CNTNAP5: variants seen among roughly 807,000 people sequenced by gnomAD.
The protein encoded by CNTNAP5 is contactin associated protein family member 5.
A neutral mutation model predicts 150.2 loss-of-function variants in CNTNAP5; 72 were observed. That is an observed-to-expected ratio of 0.48 (90% CI 0.40 to 0.58). The LOEUF (loss-of-function observed/expected upper bound fraction) is 0.58, where lower values mean the gene tolerates loss of function less well. Among genes scored for constraint, CNTNAP5 ranks in the 20% least tolerant of loss-of-function variants. The pLI, the probability that CNTNAP5 is intolerant of heterozygous loss-of-function variation, is 0.00. For synonymous variants in CNTNAP5, 672 were observed against 619.8 expected, an observed-to-expected ratio of 1.08 and a Z score of -1.25; for missense variants, 1,636 against 1,626.2, an observed-to-expected ratio of 1.01 and a Z score of -0.10.
At chr2:124,100,603 C>A (rs7592261) in intron 1 of CNTNAP5, among the ~76,000 whole-genome samples, 2 of 151,934 alleles carry the variant, frequency 1.3e-5, no homozygotes, top group South Asian at 4.1e-4. Flanking sequence ...CAGTGGCTCA[C>A]GCTCATAATT....
At chr2:124,194,413 AT>A (rs1685534584) in intron 1 of CNTNAP5, among the ~76,000 whole-genome samples, 5 of 2,022 alleles carry the variant, frequency 2.5e-3, no homozygotes, top group Non-Finnish European at 0.013. Flanking sequence ...ATATATATAA[AT>A]ATAAATAGGT....
At chr2:124,643,958 G>A (rs1439077404) in intron 12 of CNTNAP5, among the ~76,000 whole-genome samples, 2 of 152,136 alleles carry the variant, frequency 1.3e-5, no homozygotes, top group African/African-American at 4.8e-5. Context: ...TTTCATCAGG[G>A]TTGCTCCCAC....
intron 19 of CNTNAP5, among the ~76,000 whole-genome samples, chr2:124,817,080 C>T (rs1682380750): frequency 6.6e-6 from 1 of 152,050 alleles, no homozygotes; most frequent in African/African-American, 2.4e-5. Context: ...TTGCTGTAAG[C>T]AGCAAGAATG....
intron 16 of CNTNAP5, among the ~76,000 whole-genome samples, chr2:124,768,615 A>G (rs1409615482): frequency 6.6e-6 from 1 of 152,034 alleles, no homozygotes. Context: ...GATTACCACC[A>G]CACAGTGCAC....
chr2:124,046,562 A>T (rs896478279), intron 1 of CNTNAP5, among the ~76,000 whole-genome samples: 14 of 152,300 alleles, frequency 9.2e-5, no homozygotes, highest in African/African-American at 3.4e-4. Context: ...TTGCATCAGA[A>T]AGAAGGTGGC....
intron 14 of CNTNAP5, among the ~76,000 whole-genome samples, chr2:124,755,224 A>G (rs561993526): frequency 6.6e-6 from 1 of 152,288 alleles, no homozygotes; most frequent in South Asian, 2.1e-4. Context: ...AAAACAAAAC[A>G]TACCCTGAGG....
intron 7 of CNTNAP5, among the ~76,000 whole-genome samples, chr2:124,489,178 C>T (rs1374702362): frequency 6.6e-6 from 1 of 152,204 alleles, no homozygotes; most frequent in Admixed American, 6.5e-5. Context: ...ATTAAAACTC[C>T]TTCTATCACT....
In CNTNAP5 at chr2:124,284,453, C is replaced by T. The variant is rs149904842; in HGVS notation, c.381+42060C>T. ...AGGAAGGGAACAACACACACTGACA[C>T]CTCTCAGGAGGATGGGGGAAGGGAG... On this transcript the variant is annotated intron_variant, in intron 3 of 23. Transcript: ENST00000682447. 2.5e-3 allele frequency among the ~76,000 whole-genome samples: 373 copies of T among 152,058 alleles called. 1 individual carries two copies. The highest frequency in any genetic ancestry group is 8.6e-3 in the African/African-American group (356 of 41,482).
At chr2:124,828,859 T>G (rs1682655787) in intron 19 of CNTNAP5, among the ~76,000 whole-genome samples, 1 of 150,456 alleles carries the variant, frequency 6.6e-6, no homozygotes, top group Admixed American at 6.7e-5. Flanking sequence ...GAGTGGTCCT[T>G]CAGAGAAGCT....
intron 19 of CNTNAP5, among the ~76,000 whole-genome samples, chr2:124,823,370 A>T (rs1450142589): frequency 6.6e-6 from 1 of 152,164 alleles, no homozygotes; most frequent in Non-Finnish European, 1.5e-5. Flanking sequence ...CTAAAGCCAA[A>T]CCATTATCAA....
intron 1 of CNTNAP5, among the ~76,000 whole-genome samples, chr2:124,209,038 C>T (rs1427815152): frequency 3.9e-5 from 6 of 152,116 alleles, no homozygotes; most frequent in Non-Finnish European, 5.9e-5. Context: ...TGGATGGCCC[C>T]AATTTACCAA....
intron 1 of CNTNAP5, among the ~76,000 whole-genome samples, chr2:124,046,663 G>A (rs1045621959): frequency 1.3e-5 from 2 of 152,106 alleles, no homozygotes; most frequent in African/African-American, 2.4e-5. Context: ...AAAAGAAGAC[G>A]ATTGGGTTTT....
chr2:124,530,141 G>A (rs952377366), intron 10 of CNTNAP5, among the ~76,000 whole-genome samples: 1 of 152,042 alleles, frequency 6.6e-6, no homozygotes, highest in Non-Finnish European at 1.5e-5. Flanking sequence ...GTAATATCCT[G>A]TCTTTACTAA....
intron 3 of CNTNAP5, among the ~76,000 whole-genome samples, chr2:124,382,752 C>T (rs959385227): frequency 2.6e-5 from 4 of 152,056 alleles, no homozygotes; most frequent in Non-Finnish European, 5.9e-5. Context: ...ATTTTCCTGC[C>T]GTTATTCTTA....
At chr2:124,190,656 C>A (rs1685436670) in intron 1 of CNTNAP5, among the ~76,000 whole-genome samples, 1 of 152,188 alleles carries the variant, frequency 6.6e-6, no homozygotes, top group African/African-American at 2.4e-5. Context: ...ATCCAATTTT[C>A]TGAAGCTGCT....
intron 13 of CNTNAP5, among the ~76,000 whole-genome samples, chr2:124,734,011 C>A (rs1208662972): frequency 1.3e-5 from 2 of 152,098 alleles, no homozygotes; most frequent in Non-Finnish European, 2.9e-5. Flanking sequence ...GGAAGAAGGA[C>A]ACACCACATA....
chr2:124,664,325 G>GAAAA (rs34108388), intron 13 of CNTNAP5, among the ~76,000 whole-genome samples: 3 of 106,182 alleles, frequency 2.8e-5, no homozygotes, highest in Non-Finnish European at 3.7e-5. Flanking sequence ...CCTGTCTCAA[G>GAAAA]AAAAAAAAAA....
At chr2:124,356,235 A>G (rs115921966) in intron 3 of CNTNAP5, among the ~76,000 whole-genome samples, 11,814 of 152,128 alleles carry the variant, frequency 0.078, 574 homozygotes, top group East Asian at 0.22. Context: ...AAATATGGAC[A>G]TACTCAATTA....
chr2:124,448,263 G>T (rs377264871), intron 6 of CNTNAP5, among the ~76,000 whole-genome samples: 1 of 81,738 alleles, frequency 1.2e-5, no homozygotes, highest in Non-Finnish European at 2.4e-5. Flanking sequence ...GTCAGACTCC[G>T]TCTTAAAATA....
Sources: gnomAD v4.1 joint callset for allele counts (sites outside exome capture counted in the v4.1 genomes callset) on GRCh38, gnomAD v4.1.1 for gene constraint, MANE v1.5 for transcripts, NCBI Gene and HGNC (gene_info 2026-07-23, HGNC 2026-07-21) for gene names.